The following CACNA2D3 variants were observed in gnomAD, a reference collection of about 807,000 sequenced individuals.
CACNA2D3 encodes the protein calcium voltage-gated channel auxiliary subunit alpha2delta 3.
A neutral mutation model predicts 160.6 loss-of-function variants in CACNA2D3; 60 were observed. The ratio of observed to expected loss-of-function variants is 0.37; its 90% CI spans 0.30 to 0.46. The LOEUF (loss-of-function observed/expected upper bound fraction) is 0.46. Ranked by LOEUF, CACNA2D3 falls within the 20% of genes least tolerant of loss-of-function variation. The probability of loss-of-function intolerance (pLI) is 1.00; values close to 1 mark genes in which losing one functional copy is unlikely to be tolerated. For synonymous variants in CACNA2D3, 558 were observed against 492.9 expected (o/e 1.13, Z -1.75); for missense variants, 1,205 against 1,365.0 (o/e 0.88, Z 1.85).
At chr3:54,254,886 T>C (rs561185976) in intron 2 of CACNA2D3, among the ~76,000 whole-genome samples, 6 of 152,284 alleles carry the variant, frequency 3.9e-5, no homozygotes, top group South Asian at 2.1e-4. Context: ...ATGGAATCTA[T>C]TGTGAAGAGC....
chr3:54,394,318 AT>A (rs34291779), intron 4 of CACNA2D3, among the ~76,000 whole-genome samples: 3,309 of 139,038 alleles, frequency 0.024, 73 homozygotes, highest in East Asian at 0.082. Context: ...GAGAGTGAAC[AT>A]TTTTTTTTTT....
intron 4 of CACNA2D3, among the ~76,000 whole-genome samples, chr3:54,481,935 A>G (rs1700939826): frequency 6.6e-6 from 1 of 152,248 alleles, no homozygotes; most frequent in South Asian, 2.1e-4. Flanking sequence ...GATTTCTACA[A>G]TGACTTCTTC....
intron 9 of CACNA2D3, among the ~76,000 whole-genome samples, chr3:54,625,360 G>T (rs1286462549): frequency 6.6e-6 from 1 of 152,218 alleles, no homozygotes; most frequent in Non-Finnish European, 1.5e-5. Context: ...ATTAGAGTAG[G>T]TGTAGCTGAC....
intron 8 of CACNA2D3, among the ~76,000 whole-genome samples, chr3:54,575,366 C>A (rs1341316416): frequency 6.6e-6 from 1 of 152,014 alleles, no homozygotes; most frequent in African/African-American, 2.4e-5. Flanking sequence ...GTTTATTTAC[C>A]TGTTTTTTGA....
In CACNA2D3 at chr3:54,259,549, G is replaced by A. The variant is rs546779139; in HGVS notation, c.205-60893G>A. Among the ~76,000 whole-genome samples the A allele has an allele frequency of 2.3e-4, 35 of 152,234 alleles. No homozygotes were observed. In the South Asian group the frequency reaches 5.6e-3, roughly 24 times the overall value. On this transcript the variant is annotated intron_variant, in intron 2 of 37. Transcript: ENST00000474759. ...AGAGCCGGATAGAAATGCTTTTACC[G>A]TGTGGTGGGATTGAAAAGAACTCTT...
chr3:54,517,756 C>G (rs1575499478), intron 5 of CACNA2D3, among the ~76,000 whole-genome samples: 1 of 152,188 alleles, frequency 6.6e-6, no homozygotes, highest in African/African-American at 2.4e-5. Context: ...TCCTGATGCC[C>G]CCAAGGCTGC....
At chr3:54,682,334 G>C (rs762147940) in intron 11 of CACNA2D3, among the ~76,000 whole-genome samples, 30 of 152,040 alleles carry the variant, frequency 2.0e-4, no homozygotes, top group Non-Finnish European at 4.0e-4. Flanking sequence ...AATCAATAAG[G>C]AATAGAATTA....
intron 2 of CACNA2D3, among the ~76,000 whole-genome samples, chr3:54,128,014 T>A (rs908467467): frequency 6.6e-6 from 1 of 152,174 alleles, no homozygotes; most frequent in African/African-American, 2.4e-5. Flanking sequence ...TGCTGCGGCC[T>A]GTGTTGCTCA....
At chr3:54,166,065 G>C (rs1700448775) in intron 2 of CACNA2D3, among the ~76,000 whole-genome samples, 1 of 152,186 alleles carries the variant, frequency 6.6e-6, no homozygotes, top group Non-Finnish European at 1.5e-5. Context: ...TGAAATACTT[G>C]TTGCCCTGTG....
intron 4 of CACNA2D3, among the ~76,000 whole-genome samples, chr3:54,481,193 CA>C (rs1306957475): frequency 1.3e-5 from 2 of 152,100 alleles, no homozygotes; most frequent in African/African-American, 4.8e-5. Context: ...GATAATGAAA[CA>C]GTAAGGACAT....
intron 11 of CACNA2D3, among the ~76,000 whole-genome samples, chr3:54,739,751 ATGTGTGTGTGTGTGTGTGTGTGTG>A (rs5849058): frequency 8.9e-5 from 13 of 145,958 alleles, no homozygotes; most frequent in Admixed American, 6.9e-4. Flanking sequence ...CTCCTCATAT[ATGTGTGTGTGTGTGTGTGTGTGTG>A]TGTGTGTGTG....
intron 29 of CACNA2D3, among the ~76,000 whole-genome samples, chr3:54,972,830 T>G (rs1482999494): frequency 6.6e-6 from 1 of 152,090 alleles, no homozygotes; most frequent in Non-Finnish European, 1.5e-5. Context: ...TCACCCAGGG[T>G]GAATGTTAAC....
At position 54,562,783 on chromosome 3, in the gene CACNA2D3, C is replaced by A; in HGVS notation, c.545-17C>A. The A allele has an allele frequency of 6.2e-7, 1 of 1,608,140 alleles. No homozygotes were observed. The highest frequency in any genetic ancestry group is 1.1e-5 in the South Asian group (1 of 90,688). ...TGGTTTCTAATACACCCCTCTCTCT[C>A]TCTTTCTTTTTTACAGACCCTGCAA... On this transcript the variant is annotated splice_polypyrimidine_tract_variant and intron_variant, in intron 5 of 37. Transcript: ENST00000474759.
chr3:54,803,936 T>G (rs545115885), intron 13 of CACNA2D3, among the ~76,000 whole-genome samples: 1 of 152,244 alleles, frequency 6.6e-6, no homozygotes, highest in South Asian at 2.1e-4. Flanking sequence ...CAACCCAGAA[T>G]TTCATATCCA....
At chr3:54,668,339 G>A (rs1700103939) in intron 11 of CACNA2D3, among the ~76,000 whole-genome samples, 3 of 152,174 alleles carry the variant, frequency 2.0e-5, no homozygotes, top group Non-Finnish European at 4.4e-5. Flanking sequence ...ATTTAATCAA[G>A]TGCAAACAGC....
chr3:54,270,050 G>A (rs192869221), intron 2 of CACNA2D3, among the ~76,000 whole-genome samples: 1 of 152,292 alleles, frequency 6.6e-6, no homozygotes, highest in African/African-American at 2.4e-5. Flanking sequence ...GTTTGAGCAT[G>A]GAAAAAGCCA....
chr3:55,029,948 CA>C (rs1220984912), intron 35 of CACNA2D3, among the ~76,000 whole-genome samples: 1 of 152,136 alleles, frequency 6.6e-6, no homozygotes, highest in Non-Finnish European at 1.5e-5. Flanking sequence ...AAATAATCAG[CA>C]ATCTTTTCAA....
At chr3:54,637,693 A>G (rs1699408934) in intron 10 of CACNA2D3, 1 of 152,000 alleles carries the variant, frequency 6.6e-6, no homozygotes, top group African/African-American at 2.4e-5. Flanking sequence ...TGAGTTACCT[A>G]AAGCTCGGCG....
At chr3:54,591,647 A>G (rs978244266) in intron 9 of CACNA2D3, among the ~76,000 whole-genome samples, 1 of 144,430 alleles carries the variant, frequency 6.9e-6, no homozygotes, top group Non-Finnish European at 1.5e-5. Flanking sequence ...ATTACATTTT[A>G]ATATAATCAG....
Sources: allele counts gnomAD v4.1 joint callset (sites outside exome capture counted in the v4.1 genomes callset), GRCh38; gene constraint gnomAD v4.1.1; transcripts MANE v1.5; gene names NCBI Gene and HGNC (gene_info 2026-07-23, HGNC 2026-07-21).